Variants in LIPH observed in about 807,000 individuals in gnomAD.
LIPH encodes the protein lipase member H.
In LIPH, 32 loss-of-function variants were observed where a neutral mutation model predicts 47.6. The observed-to-expected ratio is 0.67, with a 90% CI of 0.51 to 0.90. LIPH has a LOEUF of 0.90. Among genes scored for constraint, LIPH ranks in the 40% least tolerant of loss-of-function variants. The pLI is 0.00. For synonymous variants in LIPH, 190 were observed against 195.6 expected (o/e 0.97, Z 0.24); for missense variants, 497 against 541.4 (o/e 0.92, Z 0.81).
In LIPH at chr3:185,534,753, G is replaced by A. The variant is rs770411891; in HGVS notation, c.417+12C>T. On this transcript the variant is annotated intron_variant, in intron 2 of 9. Coordinates refer to ENST00000296252, the MANE Select transcript of LIPH (RefSeq NM_139248.3). Reference sequence around the variant, plus strand: ...CAACTTAGCTCTGAATCATCTAAGAGAATTCTCTTACCAACATCTGGTCAA... The same window carrying A: ...CAACTTAGCTCTGAATCATCTAAGAAAATTCTCTTACCAACATCTGGTCAA... 6.2e-7 allele frequency: 1 copy of A among 1,612,690 alleles called. No individual in the cohort carries two copies. The highest frequency in any genetic ancestry group is 2.2e-5 in the East Asian group (1 of 44,886).
In LIPH at chr3:185,527,131, C is replaced by T. The variant is rs368908625; in HGVS notation, c.628+353G>A. Among the ~76,000 whole-genome samples the T allele has an allele frequency of 2.9e-3, 437 of 151,960 alleles. 4 individuals are homozygous for T. Among genetic ancestry groups the T allele is most frequent in the East Asian group, 8.5e-3 (44 of 5,164 alleles). On this transcript the variant is annotated intron_variant, in intron 4 of 9. Coordinates refer to ENST00000296252, the MANE Select transcript of LIPH (RefSeq NM_139248.3). ...GCGTGTGCCTATAATCCCAGATACT[C>T]GGGAGGCTGAGGCGGGAGGATGGCG...
intron 1 of LIPH, among the ~76,000 whole-genome samples, chr3:185,550,286 AT>A (rs892876958): frequency 1.3e-4 from 20 of 152,010 alleles, no homozygotes; most frequent in Non-Finnish European, 2.9e-4. Flanking sequence ...CAGCTATACT[AT>A]TTTTTTTCCT....
intron 5 of LIPH, among the ~76,000 whole-genome samples, chr3:185,520,325 C>A (rs2148950821): frequency 6.6e-6 from 1 of 151,954 alleles, no homozygotes; most frequent in Admixed American, 6.6e-5. Context: ...TCAAGACCAG[C>A]CTGACCAACA....
At chr3:185,509,147 T>G (rs1202652126) in intron 9 of LIPH, among the ~76,000 whole-genome samples, 1 of 150,500 alleles carries the variant, frequency 6.6e-6, no homozygotes, top group Non-Finnish European at 1.5e-5. Context: ...AAAAATTAGC[T>G]GGGTGTGGTA....
intron 8 of LIPH, among the ~76,000 whole-genome samples, chr3:185,514,164 A>G (rs777110902): frequency 6.6e-6 from 1 of 152,002 alleles, no homozygotes; most frequent in African/African-American, 2.4e-5. Context: ...AGGAAGGAAA[A>G]AGGGAGGAAG....
chr3:185,527,383 A>T, intron 4 of LIPH, 101 bp downstream of exon 4: 4 of 890,038 alleles, frequency 4.5e-6, no homozygotes, highest in Non-Finnish European at 7.7e-6. Flanking sequence ...AAAAGTTAGA[A>T]TCTAGAGGAA....
intron 7 of LIPH, 71 bp from the exon 8 acceptor site, chr3:185,514,592 A>G: frequency 1.3e-6 from 1 of 773,734 alleles, no homozygotes; most frequent in Non-Finnish European, 2.4e-6. Context: ...CTGGTTCCTA[A>G]AAACTGAACC....
chr3:185,525,898 GT>G (rs1191610525), intron 4 of LIPH, among the ~76,000 whole-genome samples: 2 of 152,140 alleles, frequency 1.3e-5, no homozygotes, highest in East Asian at 3.9e-4. Context: ...GATGGCAAGG[GT>G]TTTTTTAGGT....
chr3:185,522,511 G>A (rs1019724574), intron 5 of LIPH, among the ~76,000 whole-genome samples: 2 of 148,530 alleles, frequency 1.3e-5, no homozygotes, highest in Non-Finnish European at 3.0e-5. Flanking sequence ...AAGGAAGGAG[G>A]GAAGGAAGGA....
chr3:185,549,268 C>T lies in LIPH; in HGVS notation c.49+3155G>A, dbSNP rs183101326. On this transcript the variant is annotated intron_variant, in intron 1 of 9. Transcript: ENST00000296252. ...TGGCTGTGTTTCTTTAGGATGCAAC[C>T]GAGAAAATAAATGAGATGCCAGATT... 5.7e-3 allele frequency among the ~76,000 whole-genome samples: 874 copies of T among 152,246 alleles called. 22 individuals carry two copies. Among genetic ancestry groups the T allele is most frequent in the Middle Eastern group, 3.4e-3 (1 of 294 alleles).
intron 4 of LIPH, 34 bp downstream of exon 4, chr3:185,527,450 C>T (rs775789575): frequency 2.9e-6 from 4 of 1,374,644 alleles, no homozygotes; most frequent in African/African-American, 2.9e-5. Context: ...AGGAGCCTGG[C>T]GGTGTCACTG....
chr3:185,543,524 T>A (rs1720776807), intron 1 of LIPH, among the ~76,000 whole-genome samples: 1 of 152,224 alleles, frequency 6.6e-6, no homozygotes, highest in South Asian at 2.1e-4. Context: ...AATGGTTCAG[T>A]ATTTGCTAAT....
At chr3:185,529,906 A>AAAAGAAAGAAAGAAAGAAAGAAAG (rs1180211034) in intron 3 of LIPH, among the ~76,000 whole-genome samples, 12 of 122,716 alleles carry the variant, frequency 9.8e-5, no homozygotes, top group African/African-American at 2.6e-4. Context: ...AGAGAGAAAG[A>AAAAGAAAGAAAGAAAGAAAGAAAG]AAAGAAAGAA....
At chr3:185,532,638 A>C (rs962593664) in intron 3 of LIPH, among the ~76,000 whole-genome samples, 2 of 152,110 alleles carry the variant, frequency 1.3e-5, no homozygotes, top group Non-Finnish European at 2.9e-5. Context: ...AAAAATACAA[A>C]AATTAGCCAA....
intron 1 of LIPH, among the ~76,000 whole-genome samples, chr3:185,536,760 A>G (rs371570978): frequency 9.2e-5 from 14 of 152,226 alleles, no homozygotes; most frequent in African/African-American, 3.4e-4. Flanking sequence ...TGTTGGTTAC[A>G]CTTAAATTCA....
At position 185,508,474 on chromosome 3, in the gene LIPH, G is replaced by C; in HGVS notation, c.*316C>G. The C allele has an allele frequency of 5.4e-6, 2 of 370,098 alleles. No homozygotes were observed. Among genetic ancestry groups the C allele is most frequent in the Non-Finnish European group, 1.0e-5 (2 of 195,178 alleles). 22.9% of individuals were successfully genotyped at this position (370,098 alleles called of 1,614,324 possible). On this transcript the variant is annotated 3_prime_UTR_variant, in exon 10 of 10. Coordinates refer to ENST00000296252, the MANE Select transcript of LIPH (RefSeq NM_139248.3). The stretch of plus-strand genomic sequence containing the variant: ...AGATGCTTGACCCGCAGCCGCGATG[G>C]GCAGAACCACCCGCGTGACAGGCAG...
Position 185,536,033 on chromosome 3 carries a change from C to T in LIPH, c.50-901G>A, listed in dbSNP as rs541024533. ...CCTTAATGAAGCCTTCTCTGACCCT[C>T]CCAGCTATAAGTACTATCCTTTACC... On this transcript the variant is annotated intron_variant, in intron 1 of 9. Coordinates refer to ENST00000296252, the MANE Select transcript of LIPH (RefSeq NM_139248.3). Among the ~76,000 whole-genome samples, 10 of 152,300 alleles carry T rather than the reference C, an allele frequency of 6.6e-5. No individual in the cohort carries two copies. In the South Asian group the frequency reaches 2.1e-3, roughly 32 times the overall value.
chr3:185,536,306 A>G (rs913904687), intron 1 of LIPH, among the ~76,000 whole-genome samples: 6 of 152,060 alleles, frequency 3.9e-5, no homozygotes, highest in African/African-American at 1.2e-4. Flanking sequence ...TCTGTAAGAT[A>G]CTCAGAAGAG....
At chr3:185,531,284 T>C (rs1342524254) in intron 3 of LIPH, among the ~76,000 whole-genome samples, 11 of 152,144 alleles carry the variant, frequency 7.2e-5, no homozygotes, top group African/African-American at 1.4e-4. Flanking sequence ...CGGTGGCTCA[T>C]GTCTGTAATC....
Sources: allele counts gnomAD v4.1 joint callset (sites outside exome capture counted in the v4.1 genomes callset), GRCh38; gene constraint gnomAD v4.1.1; transcripts MANE v1.5; gene names NCBI Gene and HGNC (gene_info 2026-07-23, HGNC 2026-07-21).